The following GPR158 variants were observed in gnomAD, a reference collection of about 807,000 sequenced individuals.
GPR158 encodes G protein-coupled receptor 158.
Under a neutral mutation model 78.2 loss-of-function variants are expected in GPR158, and 30 were observed. That is an observed-to-expected ratio of 0.38 (90% CI 0.29 to 0.52). The LOEUF (loss-of-function observed/expected upper bound fraction) is 0.52, where lower values mean the gene tolerates loss of function less well. Ranked by LOEUF, GPR158 falls within the 20% of genes least tolerant of loss-of-function variation. The pLI, the probability that GPR158 is intolerant of heterozygous loss-of-function variation, is 0.83. For missense variants in GPR158, 1,463 were observed against 1,523.5 expected (o/e 0.96, Z 0.66); for synonymous variants, 581 against 591.1 (o/e 0.98, Z 0.25).
intron 2 of GPR158, among the ~76,000 whole-genome samples, chr10:25,370,208 A>G (rs1833966966): frequency 7.1e-6 from 1 of 141,440 alleles, no homozygotes; most frequent in African/African-American, 2.6e-5. Context: ...GCCTTCTGCT[A>G]GCTTTTGAAT....
intron 5 of GPR158, among the ~76,000 whole-genome samples, chr10:25,523,219 AC>A (rs1157914417): frequency 6.6e-6 from 1 of 152,198 alleles, no homozygotes; most frequent in Admixed American, 6.5e-5. Context: ...GGAGCCCTGA[AC>A]AAAAGGCTCC....
intron 2 of GPR158, among the ~76,000 whole-genome samples, chr10:25,395,483 A>G (rs1165421366): frequency 1.3e-5 from 2 of 152,278 alleles, no homozygotes; most frequent in Non-Finnish European, 1.5e-5. Flanking sequence ...CTTAAATTTT[A>G]CTATCTGTTT....
At chr10:25,219,796 G>A (rs1853273573) in intron 1 of GPR158, among the ~76,000 whole-genome samples, 1 of 152,196 alleles carries the variant, frequency 6.6e-6, no homozygotes, top group African/African-American at 2.4e-5. Flanking sequence ...AGAGATGAGA[G>A]AAATGAGTCA....
At chr10:25,389,332 TGCTGAGG>T (rs1479552190) in intron 2 of GPR158, among the ~76,000 whole-genome samples, 2 of 152,070 alleles carry the variant, frequency 1.3e-5, no homozygotes, top group African/African-American at 4.8e-5. Flanking sequence ...GTCTCCTCTT[TGCTGAGG>T]GCTGAGGAGA....
intron 2 of GPR158, among the ~76,000 whole-genome samples, chr10:25,332,784 T>TA (rs1246859188): frequency 2.0e-5 from 3 of 152,176 alleles, no homozygotes; most frequent in African/African-American, 7.2e-5. Context: ...CGTTATAACT[T>TA]AAAAAAATTC....
At chr10:25,542,828 A>AAAAG (rs1476960597) in intron 5 of GPR158, among the ~76,000 whole-genome samples, 6 of 151,574 alleles carry the variant, frequency 4.0e-5, no homozygotes, top group African/African-American at 1.2e-4. Context: ...CATCTCAAAA[A>AAAAG]AAAAAAAAAA....
At chr10:25,395,768 A>C (rs1834356271) in intron 2 of GPR158, 143 bp from the exon 3 acceptor site, 1 of 503,526 alleles carries the variant, frequency 2.0e-6, no homozygotes, top group South Asian at 3.3e-5. Context: ...GCACAACAAA[A>C]CTGAAAAGTT....
intron 1 of GPR158, among the ~76,000 whole-genome samples, chr10:25,208,568 G>C (rs1381340093): frequency 6.9e-6 from 1 of 143,980 alleles, no homozygotes; most frequent in Admixed American, 6.8e-5. Context: ...TTGTGTGTGT[G>C]TGTGTGTGTG....
intron 2 of GPR158, among the ~76,000 whole-genome samples, chr10:25,358,754 C>T (rs891707845): frequency 1.3e-5 from 2 of 151,984 alleles, no homozygotes; most frequent in Admixed American, 6.6e-5. Context: ...TTTATTTCCA[C>T]GTTTGTGAAC....
chr10:25,209,009 C>G (rs955645121), intron 1 of GPR158, among the ~76,000 whole-genome samples: 1 of 151,894 alleles, frequency 6.6e-6, no homozygotes, highest in African/African-American at 2.4e-5. Context: ...CCACCACACC[C>G]GGCTAATTTT....
chr10:25,188,248 C>A (rs573791631), intron 1 of GPR158, among the ~76,000 whole-genome samples: 173 of 152,248 alleles, frequency 1.1e-3, no homozygotes, highest in Non-Finnish European at 1.8e-3. Context: ...CCATCAAGCT[C>A]CCAATGACTT....
At chr10:25,282,955 T>C (rs1022720138) in intron 2 of GPR158, among the ~76,000 whole-genome samples, 14 of 152,132 alleles carry the variant, frequency 9.2e-5, no homozygotes, top group Non-Finnish European at 1.5e-5. Flanking sequence ...ATGAGAGGTA[T>C]CAGTCTCTAG....
chr10:25,505,634 A>G (rs1218901361), intron 5 of GPR158, among the ~76,000 whole-genome samples: 1 of 152,158 alleles, frequency 6.6e-6, no homozygotes, highest in African/African-American at 2.4e-5. Context: ...GCTCCTTGGT[A>G]TGGTATAGTA....
intron 4 of GPR158, among the ~76,000 whole-genome samples, chr10:25,432,445 T>C (rs748685185): frequency 6.6e-6 from 1 of 152,022 alleles, no homozygotes; most frequent in Non-Finnish European, 1.5e-5. Context: ...GTACTAAACA[T>C]ATATGTGCAC....
In GPR158 at chr10:25,275,922, A is replaced by C. The variant is rs191898759; in HGVS notation, c.1008+54765A>C. Among the ~76,000 whole-genome samples the C allele has an allele frequency of 7.2e-5, 11 of 152,290 alleles. No homozygotes were observed. In the East Asian group the frequency reaches 2.1e-3, roughly 29 times the overall value. On this transcript the variant is annotated intron_variant, in intron 2 of 10. Coordinates refer to ENST00000376351, the MANE Select transcript of GPR158 (RefSeq NM_020752.3). ...GATGTCTTCTGGCATGTTATTAAAA[A>C]AATCTTGTATATTGCACTTATTTAT... is the stretch of plus-strand genomic sequence containing the variant.
intron 5 of GPR158, among the ~76,000 whole-genome samples, chr10:25,523,091 A>G (rs1836300244): frequency 6.6e-6 from 1 of 152,232 alleles, no homozygotes; most frequent in African/African-American, 2.4e-5. Context: ...AGTATAAGCA[A>G]GAGGCTGAAC....
intron 2 of GPR158, among the ~76,000 whole-genome samples, chr10:25,390,633 C>T (rs569019538): frequency 1.8e-4 from 28 of 152,284 alleles, no homozygotes; most frequent in African/African-American, 6.3e-4. Context: ...TAGTTTTATT[C>T]ATTCACAAAG....
chr10:25,590,760 T>C (rs377686160), intron 8 of GPR158, among the ~76,000 whole-genome samples: 2 of 152,334 alleles, frequency 1.3e-5, no homozygotes, highest in East Asian at 1.9e-4. Flanking sequence ...GGTCAAAATG[T>C]GCTTATGTAG....
intron 4 of GPR158, among the ~76,000 whole-genome samples, chr10:25,430,457 A>G (rs895743473): frequency 2.0e-5 from 3 of 149,362 alleles, no homozygotes; most frequent in Admixed American, 6.7e-5. Context: ...TACAGATTCA[A>G]TGCCATCCCC....
Sources: allele counts gnomAD v4.1 joint callset (sites outside exome capture counted in the v4.1 genomes callset), GRCh38; gene constraint gnomAD v4.1.1; transcripts MANE v1.5; gene names NCBI Gene and HGNC (gene_info 2026-07-23, HGNC 2026-07-21).